RARB: variants seen among roughly 807,000 people sequenced by gnomAD.
RARB encodes retinoic acid receptor beta.
Under a neutral mutation model 51.9 loss-of-function variants are expected in RARB, and 17 were observed. The observed-to-expected ratio is 0.33, with a 90% CI of 0.22 to 0.49. RARB has a LOEUF of 0.49. RARB is among the 20% of genes least tolerant of loss of function. The pLI is 0.99. For missense variants in RARB, 369 were observed against 550.8 expected (o/e 0.67, Z 3.30); for synonymous variants, 215 against 195.4 (o/e 1.10, Z -0.84).
intron 2 of RARB, among the ~76,000 whole-genome samples, chr3:25,033,116 A>T (rs1697909509): frequency 6.6e-6 from 1 of 152,182 alleles, no homozygotes; most frequent in African/African-American, 2.4e-5. Flanking sequence ...TTTTGTTTTT[A>T]AAATGGAGAG....
At position 24,857,399 on chromosome 3, in the gene RARB, G is replaced by A. The variant is rs543519756; in HGVS notation, c.-458-1275G>A. On this transcript the variant is annotated intron_variant, in intron 1 of 11. Transcript: ENST00000383772. ...TTGAATTAAAGATGTTTCTAGGGTC[G>A]TCAGATAAAATTCAGAATGCCTAGC... Among the ~76,000 whole-genome samples, 67 of 152,256 alleles carry A rather than the reference G, an allele frequency of 4.4e-4. 1 individual carries two copies. Among genetic ancestry groups the A allele is most frequent in the Middle Eastern group, 3.4e-3 (1 of 294 alleles).
intron 2 of RARB, among the ~76,000 whole-genome samples, chr3:25,019,737 T>G (rs1338359518): frequency 6.6e-6 from 1 of 152,154 alleles, no homozygotes; most frequent in Admixed American, 6.6e-5. Context: ...AACTTGGTTA[T>G]TACTTTGCTA....
chr3:25,320,902 T>C (rs919934307), intron 5 of RARB, among the ~76,000 whole-genome samples: 1 of 152,190 alleles, frequency 6.6e-6, no homozygotes, highest in African/African-American at 2.4e-5. Context: ...TCAAATACTT[T>C]GATTTATGGA....
intron 2 of RARB, among the ~76,000 whole-genome samples, chr3:24,939,951 C>A (rs1695625178): frequency 6.6e-6 from 1 of 152,178 alleles, no homozygotes; most frequent in Non-Finnish European, 1.5e-5. Flanking sequence ...TCCTTATAAG[C>A]AAACGTCACT....
At chr3:25,451,288 A>T (rs1709183633) in intron 1 of RARB, among the ~76,000 whole-genome samples, 1 of 152,208 alleles carries the variant, frequency 6.6e-6, no homozygotes, top group African/African-American at 2.4e-5. Context: ...TTCAGCAAAG[A>T]AGGACTAGGG....
intron 5 of RARB, among the ~76,000 whole-genome samples, chr3:25,206,776 C>A (rs112485605): frequency 6.6e-6 from 1 of 152,160 alleles, no homozygotes; most frequent in Non-Finnish European, 1.5e-5. Flanking sequence ...TATTCATGCC[C>A]GATAGCTTCC....
chr3:25,202,898 G>A (rs573130197), intron 5 of RARB, among the ~76,000 whole-genome samples: 2 of 152,318 alleles, frequency 1.3e-5, no homozygotes, highest in South Asian at 4.1e-4. Flanking sequence ...GTGCTGAGAA[G>A]AATGTATATT....
At chr3:25,459,380 A>T (rs1252315276) in intron 1 of RARB, among the ~76,000 whole-genome samples, 1 of 152,198 alleles carries the variant, frequency 6.6e-6, no homozygotes, top group Non-Finnish European at 1.5e-5. Flanking sequence ...AAATTAGGGG[A>T]CTCACTGAAG....
chr3:24,958,525 G>T (rs903318789), intron 2 of RARB, among the ~76,000 whole-genome samples: 1 of 151,900 alleles, frequency 6.6e-6, no homozygotes, highest in Non-Finnish European at 1.5e-5. Flanking sequence ...GCTCTCTTTA[G>T]GTTTCCCTTT....
rs149659226 is a variant in RARB, at chr3:24,874,415, GGAT to G, written c.-380+15669_-380+15671del. Among the ~76,000 whole-genome samples, 292 of 152,088 alleles carry G rather than the reference GGAT, an allele frequency of 1.9e-3. 1 individual carries two copies. The highest frequency in any genetic ancestry group is 6.8e-3 in the African/African-American group (283 of 41,530). On this transcript the variant is annotated intron_variant, in intron 2 of 11. Transcript: ENST00000383772. ...TACTAAGATTTGTTAGAATCTTCCA[GGAT>G]GATGACTTTCTTTACCCATATAGTT...
chr3:25,007,168 G>GA (rs1697290156), intron 2 of RARB, among the ~76,000 whole-genome samples: 1 of 152,160 alleles, frequency 6.6e-6, no homozygotes, highest in African/African-American at 2.4e-5. Flanking sequence ...TTACAGCAAA[G>GA]AAAAAGGCCA....
At chr3:25,150,216 T>C (rs977582838) in intron 4 of RARB, among the ~76,000 whole-genome samples, 1 of 150,510 alleles carries the variant, frequency 6.6e-6, no homozygotes, top group Non-Finnish European at 1.5e-5. Flanking sequence ...AAAAAAAAAA[T>C]TGTTAAACAT....
chr3:24,914,737 CA>C (rs1251900072), intron 2 of RARB, among the ~76,000 whole-genome samples: 1 of 152,242 alleles, frequency 6.6e-6, no homozygotes, highest in African/African-American at 2.4e-5. Flanking sequence ...CAGGTACAAC[CA>C]TTCATATTTT....
At chr3:25,502,608 T>A (rs1697372434) in intron 3 of RARB, among the ~76,000 whole-genome samples, 1 of 152,150 alleles carries the variant, frequency 6.6e-6, no homozygotes. Flanking sequence ...ATCCACTCAG[T>A]CAATTAAAGC....
intron 2 of RARB, among the ~76,000 whole-genome samples, chr3:24,976,256 A>G (rs1388691361): frequency 6.6e-6 from 1 of 152,196 alleles, no homozygotes; most frequent in Non-Finnish European, 1.5e-5. Flanking sequence ...CTATAGTAGC[A>G]GGATTTATAA....
rs190414355 is a variant in RARB at position 25,050,206 on chromosome 3, C to G, written c.-379-9919C>G. Among the ~76,000 whole-genome samples, 352 of 152,176 alleles carry G rather than the reference C, an allele frequency of 2.3e-3. 2 individuals carry two copies. Among genetic ancestry groups the G allele is most frequent in the African/African-American group, 7.8e-3 (326 of 41,530 alleles). On this transcript the variant is annotated intron_variant, in intron 2 of 11. Coordinates refer to the RARB transcript ENST00000383772. ...TGAAATGACTATGCAACGGTCAAACCTAAAAATCTGTGCTTCTCCTTGACT... is the reference window on the plus strand; with the variant it reads ...TGAAATGACTATGCAACGGTCAAACGTAAAAATCTGTGCTTCTCCTTGACT...
At chr3:25,106,188 C>A (rs1163387313) in intron 3 of RARB, among the ~76,000 whole-genome samples, 1 of 149,362 alleles carries the variant, frequency 6.7e-6, no homozygotes, top group African/African-American at 2.5e-5. Context: ...TTGTATCAAG[C>A]CTAAATGTCA....
intron 5 of RARB, among the ~76,000 whole-genome samples, chr3:25,273,683 A>G (rs917503715): frequency 3.3e-5 from 5 of 152,238 alleles, no homozygotes; most frequent in Non-Finnish European, 7.3e-5. Flanking sequence ...TTCATCACCA[A>G]AACTGCTTAT....
intron 1 of RARB, among the ~76,000 whole-genome samples, chr3:24,850,322 T>G (rs886351298): frequency 6.6e-6 from 1 of 152,222 alleles, no homozygotes; most frequent in Non-Finnish European, 1.5e-5. Flanking sequence ...AGCTGAGTAG[T>G]TGTGAGAGAG....
Sources: allele counts gnomAD v4.1 joint callset (sites outside exome capture counted in the v4.1 genomes callset), GRCh38; gene constraint gnomAD v4.1.1; transcripts MANE v1.5; gene names NCBI Gene and HGNC (gene_info 2026-07-23, HGNC 2026-07-21).